The following CRYBG2 variants were observed in gnomAD, a reference collection of about 807,000 sequenced individuals.
CRYBG2 encodes crystallin beta-gamma domain containing 2.
A neutral mutation model predicts 153.4 loss-of-function variants in CRYBG2; 106 were observed. The ratio of observed to expected loss-of-function variants is 0.69; its 90% confidence interval spans 0.59 to 0.81. The LOEUF (loss-of-function observed/expected upper bound fraction) is 0.81. CRYBG2 is among the 30% of genes least tolerant of loss of function. The pLI is 0.00. For synonymous variants in CRYBG2, 851 were observed against 877.8 expected (o/e 0.97, Z 0.54); for missense variants, 1,996 against 2,112.0 (o/e 0.95, Z 1.08).
intron 1 of CRYBG2, among the ~76,000 whole-genome samples, chr1:26,348,165 A>G (rs1405005822): frequency 6.6e-6 from 1 of 152,200 alleles, no homozygotes; most frequent in African/African-American, 2.4e-5. Flanking sequence ...ATTTGTGACC[A>G]AATGTTAGCT....
At chr1:26,333,791 G>A (rs1050459435) in intron 14 of CRYBG2, among the ~76,000 whole-genome samples, 1 of 152,108 alleles carries the variant, frequency 6.6e-6, no homozygotes, top group Non-Finnish European at 1.5e-5. Flanking sequence ...ATAGCAGCCT[G>A]AGCTAAGGCA....
chr1:26,350,420 G>A (rs958145243), intron 1 of CRYBG2, among the ~76,000 whole-genome samples: 2 of 152,178 alleles, frequency 1.3e-5, no homozygotes, highest in Non-Finnish European at 2.9e-5. Flanking sequence ...TAGATTCATT[G>A]TCCCATTGAA....
At chr1:26,331,367 C>G in intron 15 of CRYBG2, 122 bp downstream of exon 15, 1 of 1,407,454 alleles carries the variant, frequency 7.1e-7, no homozygotes, top group Non-Finnish European at 9.6e-7. Flanking sequence ...TCAAGGGGAC[C>G]TGGGGCAGTT....
Position 26,343,443 on chromosome 1 carries a change from C to A in CRYBG2, c.2914-150G>T. On this transcript the variant is annotated intron_variant, in intron 2 of 19. Coordinates refer to ENST00000308182, the MANE Select transcript of CRYBG2 (RefSeq NM_001039775.4). The surrounding 1 kb of genome is among the most constrained non-coding windows in gnomAD (Gnocchi z 4.1). ...AGAGGATGCTCACACTTGTTCCCAACCCCCAAGGGCCTCATCACCCTGTCC... is the reference window on the plus strand; with the variant it reads ...AGAGGATGCTCACACTTGTTCCCAAACCCCAAGGGCCTCATCACCCTGTCC... The A allele has an allele frequency of 9.9e-7, 1 of 1,009,816 alleles. No individual in the cohort carries two copies. Among genetic ancestry groups the A allele is most frequent in the Non-Finnish European group, 1.5e-6 (1 of 672,996 alleles). The allele number at this position is 1,009,816 out of a possible 1,614,324, so 62.6% of individuals were successfully genotyped here.
rs561859439 is a variant in CRYBG2, at chr1:26,323,860, G to A, written c.4737+292C>T. ...TCCAAAGTGTTGGGATTATAGGCAT[G>A]AGCCACCATGCCTGGCCAAATCTAC... On this transcript the variant is annotated intron_variant, in intron 18 of 19. Coordinates refer to ENST00000308182, the MANE Select transcript of CRYBG2 (RefSeq NM_001039775.4). Among the ~76,000 whole-genome samples, 3 of 152,286 alleles carry A rather than the reference G, an allele frequency of 2.0e-5. No homozygotes were observed. In the South Asian group the frequency reaches 6.2e-4, roughly 32 times the overall value.
At position 26,343,834 on chromosome 1, in the gene CRYBG2, T is replaced by G; in HGVS notation, c.2824A>C (p.Arg942=). ...AGGGGCAACTGTCCTGGCACCTTCC[T>G]GAGCCCCGGTGCCCCATGGGGCAGC... ...ALLPHGAPGL[R]KVPGQLPLLC... The change falls in exon 2 of 20, where the codon AGG becomes CGG. Residue 942 remains arginine, a synonymous_variant. Transcript: ENST00000308182. This position sits in a 1 kb window ranked among gnomAD's most constrained non-coding sequence, Gnocchi z 4.1. 2 of 1,468,720 alleles carry G rather than the reference T, an allele frequency of 1.4e-6. No homozygotes were observed. The highest frequency in any genetic ancestry group is 9.0e-7 in the Non-Finnish European group (1 of 1,107,412). The allele number at this position is 1,468,720 out of a possible 1,614,324, so 91.0% of individuals were successfully genotyped here.
chr1:26,345,612 G>A lies in CRYBG2; in HGVS notation c.1046C>T (p.Ala349Val). 6.2e-7 allele frequency: 1 copy of A among 1,600,064 alleles called. No homozygotes were observed. The change falls in exon 2 of 20, where the codon GCA (alanine) becomes GTA (valine). Residue 349 changes from alanine (A) to valine (V), a missense_variant. Physicochemically the swap from Ala to Val is moderately conservative, Grantham distance 64. Coordinates refer to ENST00000308182, the MANE Select transcript of CRYBG2 (RefSeq NM_001039775.4). ...ELPLQTSQGQ[A>V]SVPSSPRLET... ...GAGTCTGGGAGAGGAGGGGACTGAT[G>A]CTTGACCCTGAGAAGTCTGGAGAGG...
chr1:26,353,832 G>C (rs2074310019), intron 1 of CRYBG2, among the ~76,000 whole-genome samples: 1 of 152,192 alleles, frequency 6.6e-6, no homozygotes, highest in Admixed American at 6.5e-5. Context: ...ATGGACAGTG[G>C]GGGTGAGAAG....
In CRYBG2 at chr1:26,341,860, C is replaced by T. The variant is rs113772695; in HGVS notation, c.3204+894G>A. Among the ~76,000 whole-genome samples, 748 of 152,316 alleles carry T rather than the reference C, an allele frequency of 4.9e-3. 5 individuals carry two copies. The highest frequency in any genetic ancestry group is 0.018 in the African/African-American group (732 of 41,570). ...ATTAGAGGTGCCCCTGGCTGGAAAT[C>T]ACAGCCCTTCTTGGTCTCCCTGCCT... On this transcript the variant is annotated intron_variant, in intron 5 of 19. Transcript: ENST00000308182.
In CRYBG2 at chr1:26,345,839, G is replaced by GGCTGCCCCCACTGT; in HGVS notation, c.805_818dup (p.Leu274GlnfsTer6). 1 of 1,596,722 alleles carries GGCTGCCCCCACTGT rather than the reference G, an allele frequency of 6.3e-7. No individual in the cohort carries two copies. Among genetic ancestry groups the GGCTGCCCCCACTGT allele is most frequent in the Non-Finnish European group, 8.5e-7 (1 of 1,179,220 alleles). ...TCCCGGTCTCAGGCAGCTGCCTCAA[G>GGCTGCCCCCACTGT]GCTGCCCCCACTGTGCTGCCCAGAC... On this transcript the variant is annotated frameshift_variant, in exon 2 of 20. Transcript: ENST00000308182. LOFTEE classifies it high-confidence loss of function.
rs1461754409 is a variant in CRYBG2 at position 26,343,841 on chromosome 1, C to T, written c.2817G>A (p.Pro939=). The T allele has an allele frequency of 4.8e-6, 7 of 1,469,370 alleles. No individual in the cohort carries two copies. Among genetic ancestry groups the T allele is most frequent in the South Asian group, 2.8e-5 (2 of 71,160 alleles). 91.0% of individuals were successfully genotyped at this position (1,469,370 alleles called of 1,614,324 possible). A position where few individuals can be genotyped will look rare whatever the true frequency, so the allele number is the denominator to read the frequency against. The change falls in exon 2 of 20, where the codon CCG becomes CCA. Residue 939 remains proline, a synonymous_variant. Transcript: ENST00000308182. The surrounding 1 kb of genome is among the most constrained non-coding windows in gnomAD (Gnocchi z 4.1). ...ACTGTCCTGGCACCTTCCTGAGCCC[C>T]GGTGCCCCATGGGGCAGCAGAGCAG... The part of the protein sequence containing the change: ...KLSALLPHGA[P]GLRKVPGQLP...
rs776529567 is a variant in CRYBG2, at chr1:26,328,199, C to A, written c.4578+10G>T. On this transcript the variant is annotated intron_variant, in intron 17 of 19. Coordinates refer to ENST00000308182, the MANE Select transcript of CRYBG2 (RefSeq NM_001039775.4). ...CCCCAGACACGCTCAGCTCCAGCCA[C>A]GCTACCCACCTGCTTGATGGGGTAG... 8.3e-6 allele frequency: 13 copies of A among 1,560,838 alleles called. No homozygotes were observed. Among genetic ancestry groups the A allele is most frequent in the Non-Finnish European group, 1.1e-5 (13 of 1,152,794 alleles).
At chr1:26,334,410 T>C (rs914954261) in intron 14 of CRYBG2, among the ~76,000 whole-genome samples, 2 of 151,700 alleles carry the variant, frequency 1.3e-5, no homozygotes, top group African/African-American at 4.8e-5. Flanking sequence ...AATAAGAAAG[T>C]GAGACCCTGT....
chr1:26,328,761 A>T lies in CRYBG2; in HGVS notation c.4427T>A (p.Val1476Glu). Residue 1476 changes from valine to glutamate, a missense_variant, in exon 16 of 20, where the codon GTG (valine) becomes GAG (glutamate). Coordinates refer to ENST00000308182, the MANE Select transcript of CRYBG2 (RefSeq NM_001039775.4). ...GCCCCCCTTGATCCGCACAGACAGCACATGGTTGTTGAAGCCCTCGGCTTG... is the reference window on the plus strand; with the variant it reads ...GCCCCCCTTGATCCGCACAGACAGCTCATGGTTGTTGAAGCCCTCGGCTTG... ...SLQAEGFNNH[V>E]LSVRIKGGIW... The T allele has an allele frequency of 1.2e-6, 2 of 1,614,028 alleles. No individual in the cohort carries two copies. Among genetic ancestry groups the T allele is most frequent in the Non-Finnish European group, 8.5e-7 (1 of 1,179,982 alleles).
Position 26,345,696 on chromosome 1 carries a change from G to C in CRYBG2, c.962C>G (p.Pro321Arg), listed in dbSNP as rs61996278. 176 of 1,598,014 alleles carry C rather than the reference G, an allele frequency of 1.1e-4. No individual in the cohort carries two copies. The South Asian group carries it at 1.6e-3, about 15-fold the overall frequency. ...ACPDRDQGRA[P>R]DARACELWQV... ...CCAGAGCTCACAGGCCCTGGCATCC[G>C]GGGCTCTGCCCTGGTCTCTGTCCGG... The change falls in exon 2 of 20, where the codon CCG becomes CGG. Residue 321 changes from proline to arginine, a missense_variant. Physicochemically the swap from Pro to Arg is moderately radical, Grantham distance 103. Transcript: ENST00000308182.
rs1424252318 is a variant in CRYBG2 at position 26,345,454 on chromosome 1, C to T, written c.1204G>A (p.Ala402Thr). 2 of 1,599,240 alleles carry T rather than the reference C, an allele frequency of 1.3e-6. No homozygotes were observed. Among genetic ancestry groups the T allele is most frequent in the Non-Finnish European group, 1.7e-6 (2 of 1,171,714 alleles). Residue 402 changes from alanine (A) to threonine (T), a missense_variant, in exon 2 of 20, where the codon GCC (alanine) becomes ACC (threonine). By Grantham distance (58) the Ala-to-Thr change is moderately conservative. Transcript: ENST00000308182. ...CTCCTCACCATGGGCAGGACGGTGG[C>T]AGCAGGGGGGTCCACGGGCCCGTCC... ...KKDGPVDPPA[A>T]TVLPMVRSEH...
In CRYBG2 at chr1:26,324,210, T is replaced by C. The variant is rs761873813; in HGVS notation, c.4679A>G (p.Asp1560Gly). The C allele has an allele frequency of 3.1e-6, 5 of 1,612,712 alleles. No individual in the cohort carries two copies. In the South Asian group the frequency reaches 5.5e-5, roughly 18 times the overall value. ...DMKAGRVVVA[D>G]PQAGGSCIWY... ...GATGCAGCTACCTCCAGCTTGGGGGTCGGCGACCACCACACGGCCTGCTTT... is the reference window on the plus strand; with the variant it reads ...GATGCAGCTACCTCCAGCTTGGGGGCCGGCGACCACCACACGGCCTGCTTT... The change falls in exon 18 of 20, where the codon GAC (aspartate) becomes GGC (glycine). Residue 1560 changes from aspartate to glycine, a missense_variant. By Grantham distance (94) the Asp-to-Gly change is moderately conservative. Coordinates refer to ENST00000308182, the MANE Select transcript of CRYBG2 (RefSeq NM_001039775.4).
intron 1 of CRYBG2, among the ~76,000 whole-genome samples, chr1:26,350,721 C>T (rs2074277016): frequency 6.6e-6 from 1 of 152,250 alleles, no homozygotes; most frequent in Middle Eastern, 3.4e-3. Flanking sequence ...CACTCCCTGA[C>T]TTCCAAGCTA....
chr1:26,333,060 G>C (rs563312611), intron 14 of CRYBG2, among the ~76,000 whole-genome samples: 2 of 90,244 alleles, frequency 2.2e-5, no homozygotes, highest in Non-Finnish European at 5.1e-5. Context: ...TTCTAACAGC[G>C]GGAGAGAGGG....
Sources: gnomAD v4.1 joint callset for allele counts (sites outside exome capture counted in the v4.1 genomes callset) on GRCh38, gnomAD v4.1.1 for gene constraint, Gnocchi (gnomAD v3.1) non-coding constraint, MANE v1.5 for transcripts, NCBI Gene and HGNC (gene_info 2026-07-23, HGNC 2026-07-21) for gene names.